Variants in IL34 observed in about 807,000 individuals in gnomAD.
The protein encoded by IL34 is interleukin-34.
IL34 carries 17 observed loss-of-function variants against 25.3 expected under a neutral mutation model. That is an observed-to-expected ratio of 0.67 (90% CI 0.46 to 1.01). The LOEUF is 1.01. Ranked by LOEUF, IL34 falls within the 50% of genes least tolerant of loss-of-function variation. IL34 has a pLI of 0.00. For missense variants in IL34, 368 were observed against 312.9 expected (o/e 1.18, Z -1.33); for synonymous variants, 174 against 140.9 (o/e 1.23, Z -1.66).
intron 1 of IL34, among the ~76,000 whole-genome samples, chr16:70,599,085 T>C (rs1308446418): frequency 6.6e-6 from 1 of 152,206 alleles, no homozygotes; most frequent in African/African-American, 2.4e-5. Context: ...ATATACTGAC[T>C]CAGGCAAGAG....
chr16:70,654,708 C>T lies in IL34; in HGVS notation c.162+37C>T, dbSNP rs377345866. 103 of 1,567,642 alleles carry T rather than the reference C, an allele frequency of 6.6e-5. 1 individual carries two copies. In the South Asian group the frequency reaches 7.6e-4, roughly 12 times the overall value. On this transcript the variant is annotated intron_variant, in intron 2 of 5. Transcript: ENST00000288098. ...GGCACCAGCTGTGTCCCTGTCCCCG[C>T]GTCCCGGGGTTCACCTGGCATAGGC...
upstream of IL34, among the ~76,000 whole-genome samples, chr16:70,643,565 G>T (rs1239154333): frequency 2.6e-5 from 4 of 152,164 alleles, no homozygotes. Context: ...GGTAGATACG[G>T]GTTCTCACTA....
upstream of IL34, among the ~76,000 whole-genome samples, chr16:70,644,871 A>AGGT (rs2051876566): frequency 7.3e-6 from 1 of 136,290 alleles, no homozygotes; most frequent in African/African-American, 2.8e-5. Context: ...AGGAGGAAGT[A>AGGT]GGAAGAGGAA....
intron 2 of IL34, among the ~76,000 whole-genome samples, chr16:70,655,963 T>C (rs954021519): frequency 6.6e-6 from 1 of 152,236 alleles, no homozygotes; most frequent in Non-Finnish European, 1.5e-5. Flanking sequence ...AGTGCACAAC[T>C]CAAAGAGTTT....
rs140893760 is a variant in IL34 at position 70,613,316 on chromosome 16, C to G, written c.-400-33232C>G. On this transcript the variant is annotated intron_variant, in intron 1 of 6. Coordinates refer to the IL34 transcript ENST00000429149. Reference sequence around the variant, plus strand: ...GCCATGTTCTGAAGGGCTGGCATCCCTTCTTGGCTCAGGCAGGCTTGTAGC... The same window carrying G: ...GCCATGTTCTGAAGGGCTGGCATCCGTTCTTGGCTCAGGCAGGCTTGTAGC... Among the ~76,000 whole-genome samples, 1,190 of 152,294 alleles carry G rather than the reference C, an allele frequency of 7.8e-3. 13 individuals carry two copies. The highest frequency in any genetic ancestry group is 0.027 in the African/African-American group (1,124 of 41,562).
intron 1 of IL34, among the ~76,000 whole-genome samples, chr16:70,608,813 T>C (rs77438623): frequency 0.037 from 5,687 of 152,114 alleles, 334 homozygotes; most frequent in East Asian, 0.21. Flanking sequence ...CACCTCAGCC[T>C]CACGCCTCAG....
At chr16:70,642,913 G>A (rs2051819952), upstream of IL34, among the ~76,000 whole-genome samples, 1 of 152,146 alleles carries the variant, frequency 6.6e-6, no homozygotes, top group South Asian at 2.1e-4. Flanking sequence ...GCCAGGGGCT[G>A]GGAGGAAGAG....
intron 1 of IL34, among the ~76,000 whole-genome samples, chr16:70,614,313 C>A (rs2051141705): frequency 6.6e-6 from 1 of 152,126 alleles, no homozygotes; most frequent in South Asian, 2.1e-4. Flanking sequence ...TTGGAGCAGA[C>A]TCCTCAAATG....
chr16:70,648,199 G>A (rs1208386400), intron 1 of IL34, among the ~76,000 whole-genome samples: 1 of 152,202 alleles, frequency 6.6e-6, no homozygotes, highest in Non-Finnish European at 1.5e-5. Context: ...GTTTGTAGGA[G>A]TTACTGCTGT....
intron 1 of IL34, among the ~76,000 whole-genome samples, chr16:70,640,626 TAAAAAA>T (rs149787357): frequency 1.5e-5 from 2 of 131,814 alleles, no homozygotes; most frequent in Non-Finnish European, 3.3e-5. Context: ...TCCGTCTCAA[TAAAAAA>T]AAAAAAAAAA....
intron 1 of IL34, among the ~76,000 whole-genome samples, chr16:70,640,642 A>AG (rs60087817): frequency 1.3e-5 from 2 of 151,000 alleles, no homozygotes; most frequent in South Asian, 2.1e-4. Flanking sequence ...AAAAAAAAAA[A>AG]GTTAGTTTTT....
chr16:70,648,574 AAG>A (rs1491109701), intron 1 of IL34, among the ~76,000 whole-genome samples: 6 of 150,196 alleles, frequency 4.0e-5, no homozygotes, highest in South Asian at 2.1e-4. Flanking sequence ...AAAAAAAAAA[AAG>A]GAGAAAAGAA....
Position 70,646,839 on chromosome 16 carries a change from CTGAG to C in IL34, c.-105_-102del. On this transcript the variant is annotated 5_prime_UTR_variant, in exon 1 of 6. Coordinates refer to ENST00000288098, the MANE Select transcript of IL34 (RefSeq NM_001393494.1). The stretch of plus-strand genomic sequence containing the variant: ...TCCTCCAGGGCCAGCCCTTCCCTGA[CTGAG>C]TGACCACCTCTGCTGCCCCGAGGCC... 8 of 1,102,642 alleles carry C rather than the reference CTGAG, an allele frequency of 7.3e-6. No homozygotes were observed. Among genetic ancestry groups the C allele is most frequent in the African/African-American group, 1.7e-5 (1 of 60,010 alleles). 68.3% of individuals were successfully genotyped at this position (1,102,642 alleles called of 1,614,324 possible). A position where few individuals can be genotyped will look rare whatever the true frequency, so the allele number is the denominator to read the frequency against.
At chr16:70,651,533 A>C (rs1459151664) in intron 1 of IL34, among the ~76,000 whole-genome samples, 1 of 152,004 alleles carries the variant, frequency 6.6e-6, no homozygotes, top group Non-Finnish European at 1.5e-5. Flanking sequence ...GAGCAAGGGC[A>C]CTCCTGGTGG....
rs1213849516 is a variant in IL34 at position 70,656,634 on chromosome 16, T to C, written c.195T>C (p.Ser65=). The change falls in exon 3 of 6, where the codon AGT becomes AGC. Residue 65 remains serine, a synonymous_variant. Transcript: ENST00000288098. The stretch of plus-strand genomic sequence containing the variant: ...ACTTCCCCATCAACTACAAGATCAG[T>C]GTGCCTTACGAGGGGGTGTTCAGAA... ...KHYFPINYKI[S]VPYEGVFRIA... is the part of the protein sequence containing the mutation. 2.1e-6 allele frequency: 3 copies of C among 1,458,214 alleles called. No homozygotes were observed. Among genetic ancestry groups the C allele is most frequent in the Non-Finnish European group, 2.9e-6 (3 of 1,037,582 alleles). The allele number at this position is 1,458,214 out of a possible 1,614,324, so 90.3% of individuals were successfully genotyped here.
At chr16:70,616,539 T>A (rs1419304526) in intron 1 of IL34, among the ~76,000 whole-genome samples, 1 of 152,236 alleles carries the variant, frequency 6.6e-6, no homozygotes, top group African/African-American at 2.4e-5. Flanking sequence ...GTGAGCAACA[T>A]GTCTGTTTAT....
upstream of IL34, among the ~76,000 whole-genome samples, chr16:70,643,789 C>T (rs1027244941): frequency 6.6e-6 from 1 of 151,606 alleles, no homozygotes; most frequent in Non-Finnish European, 1.5e-5. Flanking sequence ...GAAAATTGAA[C>T]GTGGATTCTA....
At chr16:70,656,837 T>G in intron 3 of IL34, 123 bp from the exon 4 acceptor site, 1 of 1,182,346 alleles carries the variant, frequency 8.5e-7, no homozygotes, top group Non-Finnish European at 1.2e-6. Flanking sequence ...CACATGTTTG[T>G]CCACTGTCCA....
intron 5 of IL34, 78 bp downstream of exon 5, chr16:70,659,831 G>A: frequency 6.5e-7 from 1 of 1,531,440 alleles, no homozygotes; most frequent in Admixed American, 2.0e-5. Flanking sequence ...TGGCAGAGCT[G>A]GCGTCCTCCC....
Sources: allele counts gnomAD v4.1 joint callset (sites outside exome capture counted in the v4.1 genomes callset), GRCh38; gene constraint gnomAD v4.1.1; transcripts MANE v1.5; gene names NCBI Gene and HGNC (gene_info 2026-07-23, HGNC 2026-07-21).